ANTXR2: variants seen among roughly 807,000 people sequenced by gnomAD.
The protein encoded by ANTXR2 is anthrax toxin receptor 2.
In ANTXR2, 44 loss-of-function variants were observed where a neutral mutation model predicts 73.7. The ratio of observed to expected loss-of-function variants is 0.60; its 90% CI spans 0.47 to 0.77. ANTXR2 has a LOEUF of 0.77. Ranked by LOEUF, ANTXR2 falls within the 30% of genes least tolerant of loss-of-function variation. ANTXR2 has a pLI of 0.00. For synonymous variants in ANTXR2, 217 were observed against 205.9 expected, an observed-to-expected ratio of 1.05 and a Z score of -0.46; for missense variants, 604 against 592.5, an observed-to-expected ratio of 1.02 and a Z score of -0.20.
rs1224373887 is a variant in ANTXR2, at chr4:80,013,347, C to T, written c.946-4731G>A. ...TGTGAGAGACGGGCAATAAGCACAG[C>T]ACAAGCCCTGCCGTCAATGTCTCAA... is the stretch of plus-strand genomic sequence containing the variant. On this transcript the variant is annotated intron_variant, in intron 11 of 16. Coordinates refer to ENST00000403729, the MANE Select transcript of ANTXR2 (RefSeq NM_058172.6). 2.6e-5 allele frequency among the ~76,000 whole-genome samples: 4 copies of T among 152,196 alleles called. No individual in the cohort carries two copies. In the East Asian group the frequency reaches 7.7e-4, roughly 29 times the overall value.
chr4:79,918,792 T>C (rs2109940033), intron 16 of ANTXR2, among the ~76,000 whole-genome samples: 1 of 152,076 alleles, frequency 6.6e-6, no homozygotes, highest in East Asian at 1.9e-4. Context: ...ACACAAGTAA[T>C]ATAAATAAAG....
chr4:79,963,781 GC>G (rs1199146745), intron 16 of ANTXR2, among the ~76,000 whole-genome samples: 2 of 152,126 alleles, frequency 1.3e-5, no homozygotes, highest in African/African-American at 4.8e-5. Flanking sequence ...ATTTACGTGT[GC>G]AAAATTAAGG....
intron 16 of ANTXR2, among the ~76,000 whole-genome samples, chr4:79,948,759 A>G (rs1227875312): frequency 1.3e-5 from 2 of 152,076 alleles, no homozygotes; most frequent in Non-Finnish European, 2.9e-5. Context: ...GCAAAGAAGG[A>G]GAAGGAAGGG....
At chr4:80,049,093 T>C (rs1733653966) in intron 7 of ANTXR2, among the ~76,000 whole-genome samples, 1 of 149,996 alleles carries the variant, frequency 6.7e-6, no homozygotes, top group African/African-American at 2.4e-5. Context: ...AACTGATTTA[T>C]TTCTTTCTGC....
At chr4:80,017,817 G>A (rs936764777) in intron 11 of ANTXR2, among the ~76,000 whole-genome samples, 1 of 151,978 alleles carries the variant, frequency 6.6e-6, no homozygotes, top group African/African-American at 2.4e-5. Flanking sequence ...TCTACAAATT[G>A]CAACATGCGC....
chr4:79,927,652 C>G (rs992264035), intron 16 of ANTXR2, among the ~76,000 whole-genome samples: 3 of 152,124 alleles, frequency 2.0e-5, no homozygotes, highest in Non-Finnish European at 4.4e-5. Flanking sequence ...GAATGTGGAA[C>G]CCACAGATAA....
chr4:79,985,522 G>A (rs899060938), intron 12 of ANTXR2, among the ~76,000 whole-genome samples: 2 of 152,134 alleles, frequency 1.3e-5, no homozygotes, highest in Non-Finnish European at 2.9e-5. Context: ...ATCAAGCTGT[G>A]AGGAAACCCA....
At chr4:80,049,746 T>C (rs1733691314) in intron 7 of ANTXR2, among the ~76,000 whole-genome samples, 1 of 151,800 alleles carries the variant, frequency 6.6e-6, no homozygotes, top group Non-Finnish European at 1.5e-5. Flanking sequence ...TTTTGACTCC[T>C]CTCTCTGTCT....
chr4:79,959,878 T>C (rs72871901), intron 16 of ANTXR2, among the ~76,000 whole-genome samples: 30,099 of 152,156 alleles, frequency 0.2, 4,979 homozygotes, highest in African/African-American at 0.45. Flanking sequence ...ACGACGTCTC[T>C]AACAATGAGG....
intron 10 of ANTXR2, 89 bp downstream of exon 10, chr4:80,031,534 A>G: frequency 9.5e-7 from 1 of 1,053,318 alleles, no homozygotes; most frequent in South Asian, 1.8e-5. Context: ...TCAAAAAAAG[A>G]TAGAATAAAA....
rs573915246 is a variant in ANTXR2, at chr4:80,049,075, T to TA, written c.636+5196_636+5197insT. Among the ~76,000 whole-genome samples, 134 of 151,802 alleles carry TA rather than the reference T, an allele frequency of 8.8e-4. 1 individual carries two copies. The highest frequency in any genetic ancestry group is 3.1e-3 in the African/African-American group (128 of 41,480). ...TTGGACAAGGGTTATTTATAAAACA[T>TA]GCTTCACAACTGATTTATTTCTTTC... On this transcript the variant is annotated intron_variant, in intron 7 of 16. Coordinates refer to ENST00000403729, the MANE Select transcript of ANTXR2 (RefSeq NM_058172.6).
At chr4:79,916,850 AG>A (rs1459231683) in intron 16 of ANTXR2, among the ~76,000 whole-genome samples, 2 of 152,198 alleles carry the variant, frequency 1.3e-5, no homozygotes, top group Non-Finnish European at 2.9e-5. Context: ...CAAAAAAGAA[AG>A]ATACACTGGC....
At position 79,924,082 on chromosome 4, in the gene ANTXR2, C is replaced by T. The variant is rs571126541; in HGVS notation, c.1429-16615G>A. On this transcript the variant is annotated intron_variant, in intron 16 of 16. Transcript: ENST00000403729. ...TGCTGGGGTTTGGGCTTCCAGTGAA[C>T]CCATCACCAAATAGTGAACATAGTA... Among the ~76,000 whole-genome samples, 388 of 152,208 alleles carry T rather than the reference C, an allele frequency of 2.5e-3. 2 individuals are homozygous for T. Among genetic ancestry groups the T allele is most frequent in the Non-Finnish European group, 4.4e-3 (301 of 68,006 alleles).
chr4:79,944,926 T>G (rs1379967505), intron 16 of ANTXR2, among the ~76,000 whole-genome samples: 2 of 152,176 alleles, frequency 1.3e-5, no homozygotes, highest in Admixed American at 1.3e-4. Context: ...TAACAACACT[T>G]CAATTTTCTA....
At chr4:79,953,229 T>C (rs1728771430) in intron 16 of ANTXR2, among the ~76,000 whole-genome samples, 1 of 152,186 alleles carries the variant, frequency 6.6e-6, no homozygotes, top group Non-Finnish European at 1.5e-5. Flanking sequence ...CCTGAAGAGA[T>C]ATTAAGACTT....
intron 16 of ANTXR2, among the ~76,000 whole-genome samples, chr4:79,924,744 CTTTAAA>C (rs1727717301): frequency 6.6e-6 from 1 of 152,022 alleles, no homozygotes; most frequent in South Asian, 2.1e-4. Context: ...AGCTTACTTC[CTTTAAA>C]TTTAATCTCT....
chr4:80,009,430 G>A (rs28496581), intron 11 of ANTXR2, among the ~76,000 whole-genome samples: 73,135 of 152,018 alleles, frequency 0.48, 20,126 homozygotes, highest in East Asian at 0.92. Context: ...ACGATGCAAC[G>A]AATTATGAAT....
Position 80,072,593 on chromosome 4 carries a change from T to C in ANTXR2, c.-33A>G, listed in dbSNP as rs1316758580. ...CCGGGGGCCTGAGACTCCCTCCCGC[T>C]CGCAGTCCCCTAAGCTCAGGAGGGT... On this transcript the variant is annotated 5_prime_UTR_variant, in exon 1 of 17. Coordinates refer to ENST00000403729, the MANE Select transcript of ANTXR2 (RefSeq NM_058172.6). 1 of 1,483,426 alleles carries C rather than the reference T, an allele frequency of 6.7e-7. No homozygotes were observed. The highest frequency in any genetic ancestry group is 8.9e-7 in the Non-Finnish European group (1 of 1,118,538). The allele number at this position is 1,483,426 out of a possible 1,614,324, so 91.9% of individuals were successfully genotyped here.
intron 12 of ANTXR2, among the ~76,000 whole-genome samples, chr4:80,007,164 T>C (rs1731341577): frequency 6.6e-6 from 1 of 152,114 alleles, no homozygotes; most frequent in Admixed American, 6.6e-5. Context: ...GAAAGCAAAC[T>C]GAAGTACAAC....
Sources: allele counts gnomAD v4.1 joint callset (sites outside exome capture counted in the v4.1 genomes callset), GRCh38; gene constraint gnomAD v4.1.1; transcripts MANE v1.5; gene names NCBI Gene and HGNC (gene_info 2026-07-23, HGNC 2026-07-21).